Variants in PCDH9 observed in about 807,000 individuals in gnomAD.
PCDH9 encodes protocadherin 9.
A neutral mutation model predicts 70.6 loss-of-function variants in PCDH9; 24 were observed. The observed-to-expected ratio is 0.34, with a 90% CI of 0.25 to 0.48. The LOEUF is 0.48. Ranked by LOEUF, PCDH9 falls within the 20% of genes least tolerant of loss-of-function variation. The pLI is 0.99. For missense variants in PCDH9, 1,281 were observed against 1,503.6 expected, an observed-to-expected ratio of 0.85 and a Z score of 2.45; for synonymous variants, 562 against 558.5, an observed-to-expected ratio of 1.01 and a Z score of -0.09.
intron 2 of PCDH9, among the ~76,000 whole-genome samples, chr13:67,193,719 T>A (rs1212669575): frequency 6.6e-6 from 1 of 152,132 alleles, no homozygotes; most frequent in East Asian, 1.9e-4. Flanking sequence ...AAGTAATATT[T>A]AAAGAGAATC....
At chr13:66,307,544 TC>T (rs1955488836) in intron 4 of PCDH9, among the ~76,000 whole-genome samples, 1 of 152,084 alleles carries the variant, frequency 6.6e-6, no homozygotes, top group Non-Finnish European at 1.5e-5. Flanking sequence ...TTTACTCCTT[TC>T]TAAACATCAA....
rs896720186 is a variant in PCDH9 at position 66,454,064 on chromosome 13, T to A, written c.3341-149036A>T. On this transcript the variant is annotated intron_variant, in intron 4 of 4. Transcript: ENST00000377865. The stretch of plus-strand genomic sequence containing the variant: ...ATCTCCTTTTTGTTGTTGTTCTTTC[T>A]TATAAGAATCATCACATAGTTTCTG... Among the ~76,000 whole-genome samples, 12 of 152,176 alleles carry A rather than the reference T, an allele frequency of 7.9e-5. No individual in the cohort carries two copies. In the East Asian group the frequency reaches 2.3e-3, roughly 29 times the overall value.
chr13:66,544,839 G>A (rs192965583), intron 4 of PCDH9, among the ~76,000 whole-genome samples: 1 of 152,128 alleles, frequency 6.6e-6, no homozygotes, highest in East Asian at 1.9e-4. Context: ...AGCAGCTAGG[G>A]ATTGTTTTCC....
At chr13:67,218,545 T>C (rs1418894106) in intron 2 of PCDH9, 1 of 152,036 alleles carries the variant, frequency 6.6e-6, no homozygotes, top group Non-Finnish European at 1.5e-5. Context: ...AGAGTGGTTA[T>C]TAACAAAGCA....
At chr13:66,903,682 A>G (rs139616493) in intron 2 of PCDH9, 77 bp from the exon 3 acceptor site, 156 of 628,258 alleles carry the variant, frequency 2.5e-4, no homozygotes, top group African/African-American at 2.5e-3. Flanking sequence ...GCTGTTTGCT[A>G]TGAGCCTAAT....
rs1242889522 is a variant in PCDH9, at chr13:66,613,488, T to C, written c.3340+17722A>G. ...TAAAGCTTTAATTGTGAGAAAGGAT[T>C]TGTGGGGCTAGTCTTGAGCTGTGGC... On this transcript the variant is annotated intron_variant, in intron 4 of 4. Transcript: ENST00000377865. Among the ~76,000 whole-genome samples the C allele has an allele frequency of 5.3e-5, 8 of 152,128 alleles. No individual in the cohort carries two copies. The South Asian group carries it at 6.2e-4, about 12-fold the overall frequency.
intron 2 of PCDH9, among the ~76,000 whole-genome samples, chr13:67,124,541 T>C (rs1435707208): frequency 2.6e-5 from 4 of 152,180 alleles, no homozygotes; most frequent in Non-Finnish European, 5.9e-5. Flanking sequence ...TCTTAATCAG[T>C]TCCTTGCTAT....
intron 3 of PCDH9, among the ~76,000 whole-genome samples, chr13:66,830,589 C>T (rs544979563): frequency 2.3e-4 from 35 of 152,078 alleles, no homozygotes; most frequent in Admixed American, 6.6e-5. Context: ...AATTATGAGT[C>T]AGTGGGGATT....
At chr13:66,918,304 A>C (rs2082587798) in intron 2 of PCDH9, among the ~76,000 whole-genome samples, 2 of 151,244 alleles carry the variant, frequency 1.3e-5, no homozygotes, top group African/African-American at 4.8e-5. Context: ...TAAAGACTTT[A>C]GTGTTCATTT....
At chr13:66,423,750 C>T (rs773448855) in intron 4 of PCDH9, among the ~76,000 whole-genome samples, 1 of 152,124 alleles carries the variant, frequency 6.6e-6, no homozygotes, top group Non-Finnish European at 1.5e-5. Flanking sequence ...TGGAAGCATT[C>T]CCTTTGAAAA....
At chr13:66,551,925 A>G (rs1961505075) in intron 4 of PCDH9, among the ~76,000 whole-genome samples, 1 of 152,176 alleles carries the variant, frequency 6.6e-6, no homozygotes, top group Admixed American at 6.6e-5. Flanking sequence ...CCTGAGTGAG[A>G]GACGTATGTG....
chr13:66,540,236 T>TTGA (rs1201317185), intron 4 of PCDH9, among the ~76,000 whole-genome samples: 4 of 152,160 alleles, frequency 2.6e-5, no homozygotes, highest in African/African-American at 9.6e-5. Context: ...AGCAATAATA[T>TTGA]ATTGAATTTT....
chr13:66,613,513 C>T (rs911465850), intron 4 of PCDH9, among the ~76,000 whole-genome samples: 1 of 152,186 alleles, frequency 6.6e-6, no homozygotes, highest in Non-Finnish European at 1.5e-5. Context: ...TGAGCTGTGG[C>T]CAATCTGGTG....
At chr13:66,746,941 T>A (rs2079375349) in intron 3 of PCDH9, among the ~76,000 whole-genome samples, 3 of 152,196 alleles carry the variant, frequency 2.0e-5, no homozygotes, top group Non-Finnish European at 4.4e-5. Flanking sequence ...CTTTCGTGAT[T>A]TGTGAGATTT....
chr13:66,702,585 C>T (rs74713538), intron 3 of PCDH9, among the ~76,000 whole-genome samples: 2,706 of 152,230 alleles, frequency 0.018, 91 homozygotes, highest in African/African-American at 0.062. Flanking sequence ...CACACCAAAC[C>T]CATGCCCCCC....
intron 4 of PCDH9, among the ~76,000 whole-genome samples, chr13:66,419,886 C>T (rs1175108398): frequency 6.6e-5 from 10 of 152,016 alleles, no homozygotes; most frequent in African/African-American, 2.4e-4. Flanking sequence ...CAGCAGATCC[C>T]ACCCCCTATG....
intron 4 of PCDH9, among the ~76,000 whole-genome samples, chr13:66,464,684 C>G (rs896005094): frequency 2.0e-5 from 3 of 151,808 alleles, no homozygotes; most frequent in African/African-American, 7.2e-5. Flanking sequence ...TGTTACTTTT[C>G]CATTTGCTCC....
intron 4 of PCDH9, among the ~76,000 whole-genome samples, chr13:66,494,309 A>C (rs905407008): frequency 1.3e-5 from 2 of 152,152 alleles, no homozygotes; most frequent in Admixed American, 6.6e-5. Context: ...ATTAACTGCT[A>C]ATCATTGACA....
At chr13:67,195,007 C>T (rs1482112973) in intron 2 of PCDH9, among the ~76,000 whole-genome samples, 2 of 152,080 alleles carry the variant, frequency 1.3e-5, no homozygotes, top group African/African-American at 2.4e-5. Flanking sequence ...AAATAGGAAC[C>T]TGGATCACTT....
Sources: allele counts gnomAD v4.1 joint callset (sites outside exome capture counted in the v4.1 genomes callset), GRCh38; gene constraint gnomAD v4.1.1; transcripts MANE v1.5; gene names NCBI Gene and HGNC (gene_info 2026-07-23, HGNC 2026-07-21).